The following TMEM44 variants were observed in gnomAD, a reference collection of about 807,000 sequenced individuals.
TMEM44 encodes transmembrane protein 44.
TMEM44 carries 43 observed loss-of-function variants against 47.8 expected under a neutral mutation model. The ratio of observed to expected loss-of-function variants is 0.90; its 90% CI spans 0.70 to 1.16. The LOEUF is 1.16. Among genes scored for constraint, TMEM44 ranks in the 50% most tolerant of loss-of-function variants. The pLI is 0.00. For synonymous variants in TMEM44, 277 were observed against 238.8 expected (o/e 1.16, Z -1.48); for missense variants, 568 against 555.2 (o/e 1.02, Z -0.23).
At chr3:194,604,584 C>CCAG in intron 8 of TMEM44, 139 bp from the exon 9 acceptor site, 1 of 1,151,226 alleles carries the variant, frequency 8.7e-7, no homozygotes, top group Non-Finnish European at 1.2e-6. Context: ...CTCTCCTGCC[C>CCAG]TGGCCATCCA....
chr3:194,618,607 T>G (rs890153273), intron 5 of TMEM44, among the ~76,000 whole-genome samples: 2 of 148,996 alleles, frequency 1.3e-5, no homozygotes, highest in Admixed American at 1.3e-4. Context: ...TTATATATAA[T>G]ACATATAAAA....
At chr3:194,596,529 C>T (rs180717931) in intron 9 of TMEM44, among the ~76,000 whole-genome samples, 6 of 152,196 alleles carry the variant, frequency 3.9e-5, no homozygotes, top group Non-Finnish European at 8.8e-5. Flanking sequence ...CGGCGGCTCA[C>T]ACCTGTAATC....
chr3:194,629,689 C>T (rs60716310), intron 1 of TMEM44, among the ~76,000 whole-genome samples: 2,131 of 70,228 alleles, frequency 0.03, 12 homozygotes, highest in Middle Eastern at 0.1. Flanking sequence ...GCGTCACTGA[C>T]AGGGCCCCTG....
chr3:194,599,081 A>G (rs542150829), intron 9 of TMEM44, among the ~76,000 whole-genome samples: 1 of 152,318 alleles, frequency 6.6e-6, no homozygotes, highest in East Asian at 1.9e-4. Context: ...GCCATGAAAT[A>G]TTTGAATTAT....
intron 9 of TMEM44, among the ~76,000 whole-genome samples, chr3:194,590,573 G>C (rs543986006): frequency 6.6e-6 from 1 of 152,328 alleles, no homozygotes; most frequent in Non-Finnish European, 1.5e-5. Context: ...AGGATGGTCA[G>C]TGTGCTCTTT....
intron 5 of TMEM44, 111 bp from the exon 6 acceptor site, chr3:194,617,380 C>T (rs1383490619): frequency 1.7e-6 from 2 of 1,205,914 alleles, no homozygotes; most frequent in Non-Finnish European, 1.1e-6. Flanking sequence ...AGCCAGTCCT[C>T]CAGGGCAATG....
intron 8 of TMEM44, among the ~76,000 whole-genome samples, chr3:194,606,300 G>C (rs1714770112): frequency 6.6e-6 from 1 of 152,094 alleles, no homozygotes; most frequent in South Asian, 2.1e-4. Flanking sequence ...CAGGGGGCTT[G>C]CTGGGAAAAC....
Position 194,595,628 on chromosome 3 carries a change from T to C in TMEM44, c.1177-6989A>G, listed in dbSNP as rs75334935. ...ACCAGCTTCAGTTCTCATTCTCTAT[T>C]TTTTTTTTTTTTTTTGAGATGGAGT... On this transcript the variant is annotated intron_variant, in intron 9 of 9. Transcript: ENST00000347147. Among the ~76,000 whole-genome samples, 220 of 107,082 alleles carry C rather than the reference T, an allele frequency of 2.1e-3. 4 individuals carry two copies. The highest frequency in any genetic ancestry group is 6.3e-3 in the African/African-American group (204 of 32,614). 70.2% of individuals were successfully genotyped at this position (107,082 alleles called of 152,430 possible).
intron 9 of TMEM44, among the ~76,000 whole-genome samples, chr3:194,602,565 GCAC>G (rs1449009840): frequency 6.6e-6 from 1 of 151,406 alleles, no homozygotes; most frequent in Non-Finnish European, 1.5e-5. Flanking sequence ...TCGCGTCACT[GCAC>G]TCCAGCCTGG....
intron 9 of TMEM44, chr3:194,596,946 C>T (rs984688795): frequency 1.3e-5 from 2 of 152,226 alleles, no homozygotes; most frequent in Non-Finnish European, 2.9e-5. Flanking sequence ...GGAGAGAGAA[C>T]AAGCAGTTGG....
chr3:194,613,060 G>A (rs963686656), intron 7 of TMEM44, among the ~76,000 whole-genome samples: 13 of 152,222 alleles, frequency 8.5e-5, no homozygotes, highest in Admixed American at 2.0e-4. Flanking sequence ...CTGACTACTT[G>A]TAGAGGTCAT....
rs1712029866 is a variant in TMEM44, at chr3:194,587,749, C to T, written c.*780G>A. The T allele has an allele frequency of 6.6e-6, 1 of 152,314 alleles. No homozygotes were observed. Among genetic ancestry groups the T allele is most frequent in the Admixed American group, 6.5e-5 (1 of 15,294 alleles). 9.4% of individuals were successfully genotyped at this position (152,314 alleles called of 1,614,324 possible). A position where few individuals can be genotyped will look rare whatever the true frequency, so the allele number is the denominator to read the frequency against. ...CTTAGCCCCATTCCATGCGCCCTTA[C>T]CCTTACTCATCGCAGTATCAAAATA... On this transcript the variant is annotated 3_prime_UTR_variant, in exon 10 of 10. Coordinates refer to ENST00000347147, the MANE Select transcript of TMEM44 (RefSeq NM_001011655.3).
chr3:194,623,786 C>A (rs1716848426), intron 3 of TMEM44, 91 bp from the exon 4 acceptor site: 3 of 1,539,452 alleles, frequency 1.9e-6, no homozygotes, highest in Non-Finnish European at 2.7e-6. Context: ...GTCAGCTCCC[C>A]ACATGATGCT....
Position 194,633,208 on chromosome 3 carries a change from TC to T in TMEM44, c.7del (p.Glu3ArgfsTer48), listed in dbSNP as rs1339200233. The T allele has an allele frequency of 3.4e-5, 50 of 1,463,276 alleles. No homozygotes were observed. The highest frequency in any genetic ancestry group is 4.1e-5 in the Non-Finnish European group (45 of 1,106,038). 90.6% of individuals were successfully genotyped at this position (1,463,276 alleles called of 1,614,324 possible). MG[E>X]APSPAPALWD... Reference sequence around the variant, plus strand: ...GAGCGCGGGCGCGGGGCTGGGCGCCTCCCCCATGGCGCGGCTGGGCGCGCGG... The same window carrying T: ...GAGCGCGGGCGCGGGGCTGGGCGCCTCCCCATGGCGCGGCTGGGCGCGCGG... On this transcript the variant is annotated frameshift_variant, in exon 1 of 10. Coordinates refer to ENST00000347147, the MANE Select transcript of TMEM44 (RefSeq NM_001011655.3). LOFTEE classifies it high-confidence loss of function.
intron 7 of TMEM44, among the ~76,000 whole-genome samples, chr3:194,612,772 C>A (rs1715459249): frequency 6.6e-6 from 1 of 152,172 alleles, no homozygotes; most frequent in Non-Finnish European, 1.5e-5. Flanking sequence ...TCACGCCATT[C>A]TCCTGCCTCA....
chr3:194,624,521 T>C (rs1716928932), intron 3 of TMEM44, among the ~76,000 whole-genome samples: 1 of 152,092 alleles, frequency 6.6e-6, no homozygotes, highest in South Asian at 2.1e-4. Flanking sequence ...TGGGCTCAAG[T>C]GATCCTCCCA....
At chr3:194,625,207 G>A (rs937240254) in intron 3 of TMEM44, among the ~76,000 whole-genome samples, 5 of 152,238 alleles carry the variant, frequency 3.3e-5, no homozygotes, top group South Asian at 2.1e-4. Flanking sequence ...TGACCACCCC[G>A]AACTTGCACA....
In TMEM44 at chr3:194,633,409, G is replaced by T. The variant is rs1718051047; in HGVS notation, c.-194C>A. The T allele has an allele frequency of 6.0e-6, 1 of 166,156 alleles. No homozygotes were observed. Among genetic ancestry groups the T allele is most frequent in the African/African-American group, 2.4e-5 (1 of 41,632 alleles). The allele number at this position is 166,156 out of a possible 1,614,324, so 10.3% of individuals were successfully genotyped here. ...GCGGGCGGCGGCGGCGAAGGCGCCG[G>T]GGAAAAGTTTCCGGGACCGCGCGCT... On this transcript the variant is annotated 5_prime_UTR_variant, in exon 1 of 10. Transcript: ENST00000347147.
At position 194,612,687 on chromosome 3, in the gene TMEM44, C is replaced by T. The variant is rs563852537; in HGVS notation, c.913-1667G>A. 2.6e-3 allele frequency among the ~76,000 whole-genome samples: 390 copies of T among 151,650 alleles called. 1 individual carries two copies. Among genetic ancestry groups the T allele is most frequent in the African/African-American group, 7.6e-3 (316 of 41,374 alleles). On this transcript the variant is annotated intron_variant, in intron 7 of 9. Coordinates refer to ENST00000347147, the MANE Select transcript of TMEM44 (RefSeq NM_001011655.3). ...TATATTCAAGTCCTTTTTTTTGAGACGGAGTCTCGCTCTGTCGCCCAGGCT... is the reference window on the plus strand; with the variant it reads ...TATATTCAAGTCCTTTTTTTTGAGATGGAGTCTCGCTCTGTCGCCCAGGCT...
Sources: gnomAD v4.1 joint callset for allele counts (sites outside exome capture counted in the v4.1 genomes callset) on GRCh38, gnomAD v4.1.1 for gene constraint, MANE v1.5 for transcripts, NCBI Gene and HGNC (gene_info 2026-07-23, HGNC 2026-07-21) for gene names.